The following PTDSS1 variants were observed in gnomAD, a reference collection of about 807,000 sequenced individuals.
PTDSS1 encodes PSS-1.
Under a neutral mutation model 70.5 loss-of-function variants are expected in PTDSS1, and 45 were observed. The ratio of observed to expected loss-of-function variants is 0.64; its 90% confidence interval spans 0.50 to 0.82. PTDSS1 has a LOEUF of 0.82. Among genes scored for constraint, PTDSS1 ranks in the 40% least tolerant of loss-of-function variants. PTDSS1 has a pLI of 0.00. For missense variants in PTDSS1, 417 were observed against 586.1 expected (o/e 0.71, Z 2.98); for synonymous variants, 188 against 203.8 (o/e 0.92, Z 0.66).
chr8:96,292,436 G>T lies in PTDSS1; in HGVS notation c.442-2662G>T, dbSNP rs562113006. On this transcript the variant is annotated intron_variant, in intron 4 of 12. Transcript: ENST00000517309. ...TCAAGGAAGCACGATAGTTAAAAAT[G>T]GTACAGTCTGTGTAGAGGTCCTGAT... Among the ~76,000 whole-genome samples the T allele has an allele frequency of 2.6e-5, 4 of 152,298 alleles. 1 individual carries two copies. In the South Asian group the frequency reaches 8.3e-4, roughly 32 times the overall value.
In PTDSS1 at chr8:96,262,631, A is replaced by C. The variant is rs1348445769; in HGVS notation, c.179+412A>C. 6.6e-6 allele frequency among the ~76,000 whole-genome samples: 1 copy of C among 152,078 alleles called. No homozygotes were observed. The highest frequency in any genetic ancestry group is 6.6e-5 in the Admixed American group (1 of 15,266). On this transcript the variant is annotated intron_variant, in intron 1 of 12. Transcript: ENST00000517309. This position sits in a 1 kb window ranked among gnomAD's most constrained non-coding sequence, Gnocchi z 4.4. ...CACCACTTTCAGCACACACCGCTAC[A>C]CATACAAAGCACCCCAATCCACAGC...
intron 11 of PTDSS1, chr8:96,330,717 C>G (rs929803480): frequency 2.5e-6 from 1 of 404,240 alleles, no homozygotes; most frequent in Non-Finnish European, 4.5e-6. Flanking sequence ...ACATGAATGG[C>G]TTTAAGACAC....
At position 96,315,018 on chromosome 8, in the gene PTDSS1, C is replaced by T. The variant is rs952973941; in HGVS notation, c.1074-5228C>T. Among the ~76,000 whole-genome samples the T allele has an allele frequency of 2.0e-5, 3 of 152,152 alleles. No individual in the cohort carries two copies. The South Asian group carries it at 6.2e-4, about 32-fold the overall frequency. On this transcript the variant is annotated intron_variant, in intron 9 of 12. Transcript: ENST00000517309. ...GTTTGCCATCCAAGACCCGCTTCTC[C>T]CCTTCCCTCCTTGTGCCGGGGATTC...
chr8:96,312,272 G>A (rs982280005), intron 9 of PTDSS1, among the ~76,000 whole-genome samples: 11 of 152,166 alleles, frequency 7.2e-5, no homozygotes, highest in Non-Finnish European at 1.0e-4. Flanking sequence ...GTAACATAGC[G>A]AGACGTTGTC....
intron 1 of PTDSS1, among the ~76,000 whole-genome samples, chr8:96,264,228 T>C (rs1190801825): frequency 6.6e-6 from 1 of 152,244 alleles, no homozygotes; most frequent in Non-Finnish European, 1.5e-5. Context: ...CTCAGTTTCC[T>C]TATCTGTATG....
At chr8:96,288,968 T>C (rs1438989977) in intron 4 of PTDSS1, among the ~76,000 whole-genome samples, 2 of 151,674 alleles carry the variant, frequency 1.3e-5, no homozygotes, top group Non-Finnish European at 2.9e-5. Flanking sequence ...GGAGTCTCGC[T>C]CTGTCACCCA....
chr8:96,300,976 C>G (rs1811042042), intron 6 of PTDSS1, among the ~76,000 whole-genome samples: 1 of 152,048 alleles, frequency 6.6e-6, no homozygotes, highest in African/African-American at 2.4e-5. Context: ...CATTTTTAAA[C>G]CTTTGTCAAA....
At chr8:96,323,420 C>A (rs1201471377) in intron 10 of PTDSS1, among the ~76,000 whole-genome samples, 1 of 152,242 alleles carries the variant, frequency 6.6e-6, no homozygotes, top group African/African-American at 2.4e-5. Context: ...GTGGAGGAAG[C>A]CATGGCCTCC....
In PTDSS1 at chr8:96,319,248, A is replaced by C. The variant is rs141048122; in HGVS notation, c.1074-998A>C. Among the ~76,000 whole-genome samples the C allele has an allele frequency of 2.5e-3, 385 of 152,152 alleles. 2 individuals carry two copies. Among genetic ancestry groups the C allele is most frequent in the African/African-American group, 8.9e-3 (368 of 41,524 alleles). On this transcript the variant is annotated intron_variant, in intron 9 of 12. Transcript: ENST00000517309. ...CTTTTTAGAAAACATCTGTGTGAGTACACCATTCATGGAGTGTACAGATCT... is the reference window on the plus strand; with the variant it reads ...CTTTTTAGAAAACATCTGTGTGAGTCCACCATTCATGGAGTGTACAGATCT...
rs1182099401 is a variant in PTDSS1, at chr8:96,280,249, C to T, written c.272-3860C>T. 3.3e-5 allele frequency among the ~76,000 whole-genome samples: 5 copies of T among 152,168 alleles called. 1 individual carries two copies. The highest frequency in any genetic ancestry group is 5.9e-5 in the Non-Finnish European group (4 of 68,006). On this transcript the variant is annotated intron_variant, in intron 2 of 12. Transcript: ENST00000517309. ...AAAATGATGTATTCTAGGCCAGGCA[C>T]GGTGGCTGACACCTGTAATCTCAGC...
chr8:96,318,887 T>G (rs1241050926), intron 9 of PTDSS1, among the ~76,000 whole-genome samples: 1 of 149,298 alleles, frequency 6.7e-6, no homozygotes, highest in Non-Finnish European at 1.5e-5. Context: ...AAGGGCCTTC[T>G]TGGCCCCTTC....
chr8:96,324,178 G>C (rs1223201631), intron 10 of PTDSS1, among the ~76,000 whole-genome samples: 1 of 152,102 alleles, frequency 6.6e-6, no homozygotes, highest in East Asian at 1.9e-4. Flanking sequence ...TGTTCATATT[G>C]CTACCAGCAT....
rs1810592666 is a variant in PTDSS1, at chr8:96,273,291, A to AT, written c.180-4dup. Reference sequence around the variant, plus strand: ...AGTAAATGCTCAATGTTGTTTTTCTATTTTCAGGGATGACTCTGTTCCAGA... The same window carrying AT: ...AGTAAATGCTCAATGTTGTTTTTCTATTTTTCAGGGATGACTCTGTTCCAGA... On this transcript the variant is annotated splice_region_variant and splice_polypyrimidine_tract_variant and intron_variant, in intron 1 of 12. Coordinates refer to ENST00000517309, the MANE Select transcript of PTDSS1 (RefSeq NM_014754.3). 8 of 1,580,498 alleles carry AT rather than the reference A, an allele frequency of 5.1e-6. No homozygotes were observed. Among genetic ancestry groups the AT allele is most frequent in the Non-Finnish European group, 6.9e-6 (8 of 1,165,726 alleles).
chr8:96,292,335 G>A (rs924047532), intron 4 of PTDSS1, among the ~76,000 whole-genome samples: 1 of 150,658 alleles, frequency 6.6e-6, no homozygotes, highest in Non-Finnish European at 1.5e-5. Context: ...TATTTAAAGT[G>A]CTATACATTG....
At chr8:96,272,388 T>C (rs1260018841) in intron 1 of PTDSS1, among the ~76,000 whole-genome samples, 2 of 152,258 alleles carry the variant, frequency 1.3e-5, no homozygotes, top group East Asian at 1.9e-4. Context: ...AACCTTCTTT[T>C]CCCATGCAAC....
At chr8:96,310,423 A>G (rs1420336826) in intron 9 of PTDSS1, among the ~76,000 whole-genome samples, 2 of 151,498 alleles carry the variant, frequency 1.3e-5, no homozygotes, top group African/African-American at 2.4e-5. Flanking sequence ...TGGCCTCCCA[A>G]AGTGCTGGGA....
intron 4 of PTDSS1, among the ~76,000 whole-genome samples, chr8:96,291,410 G>T (rs1810900892): frequency 6.7e-6 from 1 of 150,352 alleles, no homozygotes; most frequent in Non-Finnish European, 1.5e-5. Flanking sequence ...GGAATATTTT[G>T]AAACAGTTCT....
At chr8:96,333,309 C>T (rs916469238) in intron 12 of PTDSS1, 148 bp from the exon 13 acceptor site, 2 of 716,974 alleles carry the variant, frequency 2.8e-6, no homozygotes, top group East Asian at 5.0e-5. Context: ...GTTTGAGAGC[C>T]TCGCCTTCAT....
intron 9 of PTDSS1, among the ~76,000 whole-genome samples, chr8:96,317,597 T>C (rs1017122757): frequency 1.3e-5 from 2 of 152,038 alleles, no homozygotes; most frequent in Non-Finnish European, 2.9e-5. Context: ...TAGCTGGGCG[T>C]AGTGCCGTGA....
Sources: gnomAD v4.1 joint callset for allele counts (sites outside exome capture counted in the v4.1 genomes callset) on GRCh38, gnomAD v4.1.1 for gene constraint, Gnocchi (gnomAD v3.1) non-coding constraint, MANE v1.5 for transcripts, NCBI Gene and HGNC (gene_info 2026-07-23, HGNC 2026-07-21) for gene names.